TRAPPC11: variants seen among roughly 807,000 people sequenced by gnomAD.
TRAPPC11 encodes foie gras homolog.
TRAPPC11 carries 104 observed loss-of-function variants against 151.2 expected under a neutral mutation model. The ratio of observed to expected loss-of-function variants is 0.69; its 90% CI spans 0.59 to 0.81. TRAPPC11 has a LOEUF of 0.81. Ranked by LOEUF, TRAPPC11 falls within the 30% of genes least tolerant of loss-of-function variation. The pLI is 0.00. For missense variants in TRAPPC11, 1,230 were observed against 1,349.6 expected, an observed-to-expected ratio of 0.91 and a Z score of 1.39; for synonymous variants, 456 against 472.3, an observed-to-expected ratio of 0.97 and a Z score of 0.45.
At position 183,664,812 on chromosome 4, in the gene TRAPPC11, CT is replaced by C. The variant is rs111754786; in HGVS notation, c.204+750del. Among the ~76,000 whole-genome samples, 6 of 151,164 alleles carry C rather than the reference CT, an allele frequency of 4.0e-5. No homozygotes were observed. The South Asian group carries it at 1.0e-3, about 26-fold the overall frequency. ...AACCCTTTTAGTTCTGACCCCTATC[CT>C]TTTTTTTTCTTTTGCCCTAGAGCAG... On this transcript the variant is annotated intron_variant, in intron 2 of 29. Transcript: ENST00000334690.
At chr4:183,699,833 GTT>G (rs928583640) in intron 25 of TRAPPC11, among the ~76,000 whole-genome samples, 3 of 144,690 alleles carry the variant, frequency 2.1e-5, no homozygotes. Context: ...ATGTTAATTG[GTT>G]TTTTTTTTTT....
At chr4:183,697,979 A>G (rs927025815) in intron 25 of TRAPPC11, 144 bp downstream of exon 25, 2 of 668,732 alleles carry the variant, frequency 3.0e-6, no homozygotes, top group East Asian at 2.8e-5. Flanking sequence ...GCAAATGCAT[A>G]TGGAATTAAG....
chr4:183,691,389 A>G lies in TRAPPC11; in HGVS notation c.1967A>G (p.Lys656Arg). The G allele has an allele frequency of 1.3e-6, 2 of 1,566,192 alleles. No individual in the cohort carries two copies. Among genetic ancestry groups the G allele is most frequent in the Admixed American group, 3.4e-5 (2 of 59,084 alleles). The change falls in exon 19 of 30, where the codon AAG (lysine) becomes AGG (arginine). Residue 656 changes from lysine to arginine, a missense_variant. By Grantham distance (26) the Lys-to-Arg change is conservative (BLOSUM62 2). Coordinates refer to ENST00000334690, the MANE Select transcript of TRAPPC11 (RefSeq NM_021942.6). ...NEVLENLTQG[K>R]MCLVPGKTRK... ...GTTTTAGAAAATCTGACTCAAGGAA[A>G]GATGTGCCTAGTTCCTGGCAAAACA...
chr4:183,693,322 GCCTTCC>G (rs1227651976), intron 20 of TRAPPC11, among the ~76,000 whole-genome samples, 175 bp downstream of exon 20: 1 of 152,096 alleles, frequency 6.6e-6, no homozygotes, highest in Admixed American at 6.6e-5. Flanking sequence ...CGCTACCCTT[GCCTTCC>G]CCAGTAGTTG....
intron 4 of TRAPPC11, 181 bp from the exon 5 acceptor site, chr4:183,667,822 A>G (rs2111306698): frequency 1.7e-6 from 1 of 596,620 alleles, no homozygotes; most frequent in South Asian, 2.2e-5. Flanking sequence ...AAAGGCATAT[A>G]CTGTGTAACC....
intron 1 of TRAPPC11, among the ~76,000 whole-genome samples, chr4:183,660,489 C>G (rs1233571821): frequency 6.6e-6 from 1 of 152,152 alleles, no homozygotes; most frequent in Non-Finnish European, 1.5e-5. Flanking sequence ...AAAATGAATT[C>G]CATCCACGTT....
intron 25 of TRAPPC11, 133 bp downstream of exon 25, chr4:183,697,968 AG>A: frequency 1.4e-6 from 1 of 712,062 alleles, no homozygotes; most frequent in South Asian, 2.3e-5. Context: ...CACTCGTGAA[AG>A]CAAATGCATA....
chr4:183,665,163 C>T (rs902092825), intron 2 of TRAPPC11, among the ~76,000 whole-genome samples: 9 of 132,800 alleles, frequency 6.8e-5, no homozygotes, highest in African/African-American at 5.8e-5. Context: ...GGCGCGATAT[C>T]GGCTCACTGC....
chr4:183,661,504 T>A (rs1734532698), intron 1 of TRAPPC11, among the ~76,000 whole-genome samples: 1 of 150,832 alleles, frequency 6.6e-6, no homozygotes, highest in Admixed American at 6.8e-5. Context: ...CCCGAGTAGC[T>A]GGGACTACAG....
At chr4:183,711,327 G>A (rs997642682) in intron 29 of TRAPPC11, among the ~76,000 whole-genome samples, 2 of 152,160 alleles carry the variant, frequency 1.3e-5, no homozygotes, top group East Asian at 1.9e-4. Flanking sequence ...GTGCTCAATC[G>A]CTAAATGTGA....
At chr4:183,665,264 T>G (rs994955462) in intron 2 of TRAPPC11, among the ~76,000 whole-genome samples, 1 of 151,828 alleles carries the variant, frequency 6.6e-6, no homozygotes, top group Non-Finnish European at 1.5e-5. Context: ...CCAGCTAATT[T>G]TCTGTATTTT....
At chr4:183,707,940 G>A (rs1027349262) in intron 28 of TRAPPC11, among the ~76,000 whole-genome samples, 3 of 150,378 alleles carry the variant, frequency 2.0e-5, no homozygotes, top group African/African-American at 7.3e-5. Flanking sequence ...TTTTCCTCCT[G>A]CAGTTACTTA....
At chr4:183,685,701 A>G (rs1735931040) in intron 17 of TRAPPC11, among the ~76,000 whole-genome samples, 1 of 152,232 alleles carries the variant, frequency 6.6e-6, no homozygotes, top group Admixed American at 6.5e-5. Flanking sequence ...TTTTGAAATA[A>G]TAATAAAATG....
intron 1 of TRAPPC11, among the ~76,000 whole-genome samples, chr4:183,659,717 TG>T (rs1323642352): frequency 1.3e-5 from 2 of 152,220 alleles, no homozygotes; most frequent in African/African-American, 4.8e-5. Flanking sequence ...GAACAGATAC[TG>T]GGACCATGGG....
At chr4:183,663,232 A>ATTTTTTG (rs1554005561) in intron 1 of TRAPPC11, among the ~76,000 whole-genome samples, 12 of 151,082 alleles carry the variant, frequency 7.9e-5, no homozygotes, top group African/African-American at 2.7e-4. Flanking sequence ...TGTCCAGCTA[A>ATTTTTTG]TTTTTTGTTT....
At position 183,678,851 on chromosome 4, in the gene TRAPPC11, G is replaced by A. The variant is rs114120076; in HGVS notation, c.832-502G>A. ...CTTTGTTTCTTCCTTTTTTCCTTTT[G>A]CCCCAAATACATACATATTAGTACT... On this transcript the variant is annotated intron_variant, in intron 8 of 29. Transcript: ENST00000334690. 4.4e-3 allele frequency among the ~76,000 whole-genome samples: 665 copies of A among 152,062 alleles called. 3 individuals are homozygous for A. Among genetic ancestry groups the A allele is most frequent in the African/African-American group, 0.015 (639 of 41,516 alleles).
chr4:183,672,547 A>G (rs931859270), intron 5 of TRAPPC11, among the ~76,000 whole-genome samples: 1 of 152,220 alleles, frequency 6.6e-6, no homozygotes, highest in African/African-American at 2.4e-5. Flanking sequence ...TTTTCTCCAA[A>G]TAAGCCTCAA....
At chr4:183,663,737 T>C (rs1403560356) in intron 1 of TRAPPC11, 110 bp from the exon 2 acceptor site, 1 of 240,364 alleles carries the variant, frequency 4.2e-6, no homozygotes, top group Non-Finnish European at 6.8e-6. Flanking sequence ...ATATGAGTTG[T>C]TTTTTTTTTT....
intron 29 of TRAPPC11, among the ~76,000 whole-genome samples, chr4:183,709,649 C>A (rs953800979): frequency 1.1e-4 from 17 of 152,130 alleles, no homozygotes; most frequent in African/African-American, 4.1e-4. Flanking sequence ...GTGGCAGGCA[C>A]CTGTAGTTCC....
Sources: gnomAD v4.1 joint callset for allele counts (sites outside exome capture counted in the v4.1 genomes callset) on GRCh38, gnomAD v4.1.1 for gene constraint, MANE v1.5 for transcripts, NCBI Gene and HGNC (gene_info 2026-07-23, HGNC 2026-07-21) for gene names.